The following CLN8 variants were observed in gnomAD, a reference collection of about 807,000 sequenced individuals.
CLN8 encodes protein CLN8.
CLN8 carries 14 observed loss-of-function variants against 15.7 expected under a neutral mutation model. The observed-to-expected ratio is 0.89, with a 90% CI of 0.59 to 1.39. CLN8 has a LOEUF of 1.39. Ranked by LOEUF, CLN8 falls within the 40% of genes most tolerant of loss-of-function variation. The pLI is 0.00. For missense variants in CLN8, 415 were observed against 364.0 expected, an observed-to-expected ratio of 1.14 and a Z score of -1.14; for synonymous variants, 188 against 151.0, an observed-to-expected ratio of 1.25 and a Z score of -1.80.
At chr8:1,763,747 C>G (rs1383286335), upstream of CLN8, 1 of 145,524 alleles carries the variant, frequency 6.9e-6, no homozygotes, top group African/African-American at 2.5e-5. Flanking sequence ...CGTGCGCACG[C>G]GCGTGCGAAC....
At chr8:1,756,196 A>C (rs1162989768) in intron 1 of CLN8, 1 of 152,170 alleles carries the variant, frequency 6.6e-6, no homozygotes, top group Non-Finnish European at 1.5e-5. Flanking sequence ...AATTTCACTA[A>C]ATTTCAGCCA....
intron 2 of CLN8, among the ~76,000 whole-genome samples, chr8:1,779,054 C>T (rs1052866517): frequency 6.6e-6 from 1 of 152,158 alleles, no homozygotes; most frequent in African/African-American, 2.4e-5. Context: ...TCAGTGAATG[C>T]TCTACTGAAA....
At chr8:1,763,104 G>GGTC (rs1800846234), upstream of CLN8, 1 of 152,142 alleles carries the variant, frequency 6.6e-6, no homozygotes, top group Non-Finnish European at 1.5e-5. Flanking sequence ...GTCAAGACTT[G>GGTC]AAGGTCCGGG....
At chr8:1,774,038 T>C (rs1026417918) in intron 2 of CLN8, 35 of 152,206 alleles carry the variant, frequency 2.3e-4, no homozygotes, top group Non-Finnish European at 3.8e-4. Flanking sequence ...AAGAAAGACG[T>C]GAGTCTTTCT....
rs1197996315 is a variant in CLN8 at position 1,786,318 on chromosome 8, T to G, written c.*5751T>G. The G allele has an allele frequency of 6.6e-6, 1 of 152,222 alleles. No individual in the cohort carries two copies. Among genetic ancestry groups the G allele is most frequent in the Non-Finnish European group, 1.5e-5 (1 of 68,032 alleles). 9.4% of individuals were successfully genotyped at this position (152,222 alleles called of 1,614,324 possible). On this transcript the variant is annotated 3_prime_UTR_variant, in exon 3 of 3. Transcript: ENST00000331222. ...GTCCTGATTTCAGCTCACCTCAGAG[T>G]AAATCAGAATAAACTGCACCCAGAC...
upstream of CLN8, among the ~76,000 whole-genome samples, chr8:1,754,175 C>T (rs959783085): frequency 1.3e-5 from 2 of 152,214 alleles, no homozygotes; most frequent in African/African-American, 4.8e-5. Flanking sequence ...ACACCACGAG[C>T]ATGATCCTAT....
chr8:1,756,273 G>A (rs1195871691), intron 1 of CLN8, among the ~76,000 whole-genome samples: 1 of 152,096 alleles, frequency 6.6e-6, no homozygotes, highest in Non-Finnish European at 1.5e-5. Context: ...CATGAGGTCA[G>A]GAGTTCAAGA....
In CLN8 at chr8:1,771,125, G is replaced by T; in HGVS notation, c.71G>T (p.Arg24Leu). 1.2e-6 allele frequency: 2 copies of T among 1,614,002 alleles called. No homozygotes were observed. The highest frequency in any genetic ancestry group is 1.7e-6 in the Non-Finnish European group (2 of 1,180,004). ...FDLDYASWGIRSTLMVAGFVF... is the reference protein window; with the variant it reads ...FDLDYASWGILSTLMVAGFVF... ...CTGGACTATGCATCCTGGGGGATCC[G>T]CTCCACGCTGATGGTCGCTGGCTTT... Residue 24 changes from arginine to leucine, a missense_variant, in exon 2 of 3, where the codon CGC becomes CTC. Transcript: ENST00000331222.
upstream of CLN8, chr8:1,762,602 T>C (rs1190913311): frequency 2.0e-5 from 3 of 152,228 alleles, no homozygotes. Flanking sequence ...TGAACATGAA[T>C]GTCAACGTTT....
In CLN8 at chr8:1,781,953, T is replaced by TTGTGTGTGTGTGTGTGTG. The variant is rs10638018; in HGVS notation, c.*1397_*1414dup. On this transcript the variant is annotated 3_prime_UTR_variant, in exon 3 of 3. Transcript: ENST00000331222. Reference sequence around the variant, plus strand: ...CAATGTTGTTAACAGACATACAGAATTGTGTGTGTGTGTGTGTGTGTGTGT... The same window carrying TTGTGTGTGTGTGTGTGTG: ...CAATGTTGTTAACAGACATACAGAATTGTGTGTGTGTGTGTGTGTGTGTGTGTGTGTGTGTGTGTGTGT... 114 of 147,984 alleles carry TTGTGTGTGTGTGTGTGTG rather than the reference T, an allele frequency of 7.7e-4. No individual in the cohort carries two copies. The highest frequency in any genetic ancestry group is 2.7e-3 in the African/African-American group (110 of 40,188). 9.2% of individuals were successfully genotyped at this position (147,984 alleles called of 1,614,324 possible). A position where few individuals can be genotyped will look rare whatever the true frequency, so the allele number is the denominator to read the frequency against.
At position 1,780,796 on chromosome 8, in the gene CLN8, G is replaced by A. The variant is rs557819448; in HGVS notation, c.*229G>A. On this transcript the variant is annotated 3_prime_UTR_variant, in exon 3 of 3. Transcript: ENST00000331222. The stretch of plus-strand genomic sequence containing the variant: ...CAGGCTCTGTCAGTTTAGCCGCGCC[G>A]GACCGTGTCAAGCATCTAGGAGAGG... 3.0e-4 allele frequency: 178 copies of A among 590,522 alleles called. No individual in the cohort carries two copies. Among genetic ancestry groups the A allele is most frequent in the African/African-American group, 2.3e-3 (126 of 53,782 alleles). The allele number at this position is 590,522 out of a possible 1,614,324, so 36.6% of individuals were successfully genotyped here.
intron 2 of CLN8, 36 bp from the exon 3 acceptor site, chr8:1,780,214 C>T (rs939459605): frequency 1.4e-5 from 22 of 1,614,076 alleles, no homozygotes; most frequent in Middle Eastern, 1.6e-4. Context: ...TTGGCAGTTT[C>T]GCATTGACTT....
chr8:1,776,577 G>A (rs967923958), intron 2 of CLN8, among the ~76,000 whole-genome samples: 7 of 152,256 alleles, frequency 4.6e-5, no homozygotes, highest in African/African-American at 1.7e-4. Context: ...AGGGGCGCAC[G>A]TTTGTGTAGC....
chr8:1,769,340 C>G (rs559080266), intron 1 of CLN8, among the ~76,000 whole-genome samples: 13 of 152,270 alleles, frequency 8.5e-5, no homozygotes, highest in Admixed American at 4.6e-4. Flanking sequence ...TAATGATTGG[C>G]AAGTTTTTGC....
exon 1 of CLN8, chr8:1,755,986 G>A (rs559518085): frequency 1.3e-5 from 2 of 152,144 alleles, no homozygotes; most frequent in African/African-American, 4.8e-5. Context: ...TACTGTTCTT[G>A]GTTTCTGACC....
chr8:1,754,324 C>T (rs1249794040), upstream of CLN8, among the ~76,000 whole-genome samples: 1 of 152,232 alleles, frequency 6.6e-6, no homozygotes, highest in Non-Finnish European at 1.5e-5. Context: ...GTAAATTCTT[C>T]TTAACCCCTG....
chr8:1,754,072 C>G (rs1393334665), upstream of CLN8, among the ~76,000 whole-genome samples: 1 of 152,086 alleles, frequency 6.6e-6, no homozygotes, highest in Non-Finnish European at 1.5e-5. Flanking sequence ...TTCCTGTGCC[C>G]AGCAATCACC....
chr8:1,776,517 A>T (rs1359975428), intron 2 of CLN8, among the ~76,000 whole-genome samples: 1 of 151,174 alleles, frequency 6.6e-6, no homozygotes, highest in Admixed American at 6.6e-5. Flanking sequence ...GCCTTGCTCC[A>T]GTACACACAC....
At chr8:1,761,373 G>A (rs1191201141), upstream of CLN8, among the ~76,000 whole-genome samples, 1 of 152,146 alleles carries the variant, frequency 6.6e-6, no homozygotes, top group Non-Finnish European at 1.5e-5. Context: ...TGCCCAGGCT[G>A]GAGTGCAGTG....
Sources: gnomAD v4.1 joint callset for allele counts (sites outside exome capture counted in the v4.1 genomes callset) on GRCh38, gnomAD v4.1.1 for gene constraint, MANE v1.5 for transcripts, NCBI Gene and HGNC (gene_info 2026-07-23, HGNC 2026-07-21) for gene names.